DYNC2H1: variants seen among roughly 807,000 people sequenced by gnomAD.
DYNC2H1 encodes the protein cytoplasmic dynein 2 heavy chain 1.
Under a neutral mutation model 570.0 loss-of-function variants are expected in DYNC2H1, and 410 were observed. The ratio of observed to expected loss-of-function variants is 0.72; its 90% CI spans 0.66 to 0.78. The LOEUF is 0.78. Among genes scored for constraint, DYNC2H1 ranks in the 30% least tolerant of loss-of-function variants. The probability of loss-of-function intolerance (pLI) is 0.00; values close to 1 mark genes in which losing one functional copy is unlikely to be tolerated. For synonymous variants in DYNC2H1, 1,688 were observed against 1,677.6 expected, an observed-to-expected ratio of 1.01 and a Z score of -0.15; for missense variants, 4,865 against 5,046.4, an observed-to-expected ratio of 0.96 and a Z score of 1.09.
At position 103,234,222 on chromosome 11, in the gene DYNC2H1, A is replaced by G. The variant is rs1464491590; in HGVS notation, c.9567+62A>G. On this transcript the variant is annotated intron_variant, in intron 61 of 88. Transcript: ENST00000375735. ...TAAACTGCAGGAAATCTATAATGTA[A>G]TGTATGTTAAGAAAAAGGAGAGAAA... is the stretch of plus-strand genomic sequence containing the variant. 13 of 1,496,076 alleles carry G rather than the reference A, an allele frequency of 8.7e-6. No individual in the cohort carries two copies. In the South Asian group the frequency reaches 1.7e-4, roughly 20 times the overall value. 92.7% of individuals were successfully genotyped at this position (1,496,076 alleles called of 1,614,324 possible).
chr11:103,130,727 A>G (rs1194405769), intron 13 of DYNC2H1, among the ~76,000 whole-genome samples: 1 of 152,192 alleles, frequency 6.6e-6, no homozygotes, highest in East Asian at 1.9e-4. Context: ...AGATCATTTT[A>G]GCTGCAAGTC....
intron 85 of DYNC2H1, among the ~76,000 whole-genome samples, chr11:103,437,351 A>G (rs1206010640): frequency 1.3e-5 from 2 of 152,010 alleles, no homozygotes; most frequent in Admixed American, 1.3e-4. Flanking sequence ...GACCTCCTCC[A>G]GGGGGTCTTC....
chr11:103,182,235 GTATATATAATATATAGGTATTTATATACC>G (rs1043509415), intron 40 of DYNC2H1, among the ~76,000 whole-genome samples: 2 of 149,858 alleles, frequency 1.3e-5, no homozygotes, highest in Non-Finnish European at 3.0e-5. Context: ...TATGACATAT[GTATATATAATATATAGGTATTTATATACC>G]TATATATACA....
rs529152317 is a variant in DYNC2H1, at chr11:103,133,651, C to T, written c.2050C>T (p.Arg684Trp). ...CCAAAAACTCCAAAATGCTGCTGAACGGCTTGCCACTGAAAATAGAAAACT... is the reference window on the plus strand; with the variant it reads ...CCAAAAACTCCAAAATGCTGCTGAATGGCTTGCCACTGAAAATAGAAAACT... ...YIQKLQNAAE[R>W]LATENRKLRK... Residue 684 changes from arginine to tryptophan, a missense_variant, in exon 14 of 89, where the codon CGG (arginine) becomes TGG (tryptophan). By Grantham distance (101) the Arg-to-Trp change is moderately radical (BLOSUM62 -3). Transcript: ENST00000375735. This position sits in a 1 kb window ranked among gnomAD's most constrained non-coding sequence, Gnocchi z 4.8. The T allele has an allele frequency of 1.8e-5, 29 of 1,613,070 alleles. No homozygotes were observed. Among genetic ancestry groups the T allele is most frequent in the Middle Eastern group, 1.7e-4 (1 of 6,056 alleles).
chr11:103,289,259 C>A lies in DYNC2H1; in HGVS notation c.11095+1654C>A, dbSNP rs1866491762. 6.6e-6 allele frequency among the ~76,000 whole-genome samples: 1 copy of A among 152,102 alleles called. No homozygotes were observed. The highest frequency in any genetic ancestry group is 1.5e-5 in the Non-Finnish European group (1 of 68,016). On this transcript the variant is annotated intron_variant, in intron 75 of 88. Transcript: ENST00000375735. This position sits in a 1 kb window ranked among gnomAD's most constrained non-coding sequence, Gnocchi z 4.2. ...GGCTGATTTAAGTAATAATAAAACC[C>A]CAGTCTCCTGCACAGCTGGCTCTGT...
Position 103,280,347 on chromosome 11 carries a change from G to A in DYNC2H1, c.10696-1G>A. On this transcript the variant is annotated splice_acceptor_variant, in intron 70 of 88. Coordinates refer to ENST00000375735, the MANE Select transcript of DYNC2H1 (RefSeq NM_001377.3). LOFTEE classifies it high-confidence loss of function. This position sits in a 1 kb window ranked among gnomAD's most constrained non-coding sequence, Gnocchi z 4.7. ...AAGATAATATCTGTTATTCTTTGCA[G>A]GCTGATCAGTTGATGTTCGCTTTGC... 1 of 1,553,980 alleles carries A rather than the reference G, an allele frequency of 6.4e-7. No individual in the cohort carries two copies. The highest frequency in any genetic ancestry group is 8.7e-7 in the Non-Finnish European group (1 of 1,147,616).
intron 44 of DYNC2H1, 79 bp downstream of exon 44, chr11:103,188,727 T>C: frequency 2.7e-6 from 3 of 1,125,084 alleles, no homozygotes; most frequent in Non-Finnish European, 3.5e-6. Context: ...GTATTTATGA[T>C]AATACTTTAA....
chr11:103,170,379 A>T lies in DYNC2H1; in HGVS notation c.5151+89A>T. On this transcript the variant is annotated intron_variant, in intron 33 of 88. Coordinates refer to ENST00000375735, the MANE Select transcript of DYNC2H1 (RefSeq NM_001377.3). This position sits in a 1 kb window ranked among gnomAD's most constrained non-coding sequence, Gnocchi z 4.8. Reference sequence around the variant, plus strand: ...AGTATATGAAATACTCTACTTAAAAATCACTACATTTAAATTAGTTGAAGA... The same window carrying T: ...AGTATATGAAATACTCTACTTAAAATTCACTACATTTAAATTAGTTGAAGA... 1 of 1,237,864 alleles carries T rather than the reference A, an allele frequency of 8.1e-7. No individual in the cohort carries two copies. The highest frequency in any genetic ancestry group is 1.1e-6 in the Non-Finnish European group (1 of 928,152). 76.7% of individuals were successfully genotyped at this position (1,237,864 alleles called of 1,614,324 possible).
intron 84 of DYNC2H1, among the ~76,000 whole-genome samples, chr11:103,415,017 C>G (rs995239841): frequency 2.0e-5 from 3 of 152,092 alleles, no homozygotes; most frequent in Non-Finnish European, 4.4e-5. Flanking sequence ...ACTTTCTTCA[C>G]AGAATTAGAA....
intron 87 of DYNC2H1, 106 bp downstream of exon 87, chr11:103,456,462 A>T: frequency 1.3e-6 from 1 of 782,040 alleles, no homozygotes; most frequent in Non-Finnish European, 2.0e-6. Flanking sequence ...GTGTAAGATC[A>T]GTAGAGTTAG....
At chr11:103,236,276 T>C (rs1187688796) in intron 62 of DYNC2H1, among the ~76,000 whole-genome samples, 154 bp from the exon 63 acceptor site, 2 of 151,948 alleles carry the variant, frequency 1.3e-5, no homozygotes, top group African/African-American at 4.8e-5. Flanking sequence ...GTTTTAGACT[T>C]TTTTCTCCGT....
At chr11:103,191,030 T>TATA (rs1565382007) in intron 45 of DYNC2H1, among the ~76,000 whole-genome samples, 8 of 113,966 alleles carry the variant, frequency 7.0e-5, no homozygotes, top group African/African-American at 1.9e-4. Context: ...ATATATATAT[T>TATA]TTTTTTCTTT....
Position 103,434,621 on chromosome 11 carries a change from G to A in DYNC2H1, c.12367-1322G>A, listed in dbSNP as rs141711150. Among the ~76,000 whole-genome samples, 1,516 of 152,046 alleles carry A rather than the reference G, an allele frequency of 1.0e-2. 26 individuals carry two copies. The highest frequency in any genetic ancestry group is 0.035 in the African/African-American group (1,436 of 41,494). On this transcript the variant is annotated intron_variant, in intron 84 of 88. Coordinates refer to ENST00000375735, the MANE Select transcript of DYNC2H1 (RefSeq NM_001377.3). ...CCTCTGGTGTATCAAAATCATTATC[G>A]GTTGTCTTGCTGCAGAACAAATCTC...
At chr11:103,403,606 A>G (rs1024598864) in intron 84 of DYNC2H1, 2 of 152,108 alleles carry the variant, frequency 1.3e-5, no homozygotes, top group African/African-American at 4.8e-5. Flanking sequence ...TCCGTAGTAA[A>G]GGCCTGGTCA....
chr11:103,311,943 CA>C lies in DYNC2H1; in HGVS notation c.11565del (p.Asp3856IlefsTer76). ...YESWTPEQISKKDNTHRAHAL... is the reference protein window; with the variant it reads ...YESWTPEQISXKDNTHRAHAL... ...AGTCTTGGACTCCTGAGCAAATTAG[CA>C]AAAAAGATAATACACATCGAGCTCA... is the stretch of plus-strand genomic sequence containing the variant. On this transcript the variant is annotated frameshift_variant, in exon 79 of 89. Transcript: ENST00000375735. LOFTEE classifies it high-confidence loss of function. The C allele has an allele frequency of 6.2e-7, 1 of 1,613,358 alleles. No individual in the cohort carries two copies. Among genetic ancestry groups the C allele is most frequent in the Non-Finnish European group, 8.5e-7 (1 of 1,179,674 alleles).
In DYNC2H1 at chr11:103,161,003, G is replaced by T. The variant is rs1039124081; in HGVS notation, c.4450G>T (p.Val1484Leu). ...AATGAAATCTTTAGAGGGAGAAGTT[G>T]TACCTTTTAAAAATAAAGTTCCTCT... ...TAMKSLEGEVVPFKNKVPLSN... is the reference protein window; with the variant it reads ...TAMKSLEGEVLPFKNKVPLSN... The change falls in exon 29 of 89, where the codon GTA (valine) becomes TTA (leucine). Residue 1484 changes from valine (V) to leucine (L), a missense_variant. Around this residue, in one of 5 missense-constraint regions of DYNC2H1, gnomAD observed 1,936 missense variants for 1,962.1 expected, o/e 0.99. Coordinates refer to ENST00000375735, the MANE Select transcript of DYNC2H1 (RefSeq NM_001377.3). The T allele has an allele frequency of 4.5e-6, 7 of 1,551,338 alleles. No homozygotes were observed. Among genetic ancestry groups the T allele is most frequent in the Non-Finnish European group, 5.2e-6 (6 of 1,153,556 alleles).
chr11:103,126,116 T>A (rs952168403), intron 12 of DYNC2H1, among the ~76,000 whole-genome samples: 1 of 152,234 alleles, frequency 6.6e-6, no homozygotes, highest in African/African-American at 2.4e-5. Context: ...GTATATTTGG[T>A]CTTTCATTTA....
intron 82 of DYNC2H1, among the ~76,000 whole-genome samples, chr11:103,329,193 T>C (rs1186572553): frequency 6.6e-6 from 1 of 151,898 alleles, no homozygotes; most frequent in Non-Finnish European, 1.5e-5. Context: ...TATCTATGAT[T>C]AACACATACT....
At chr11:103,282,567 A>G in intron 72 of DYNC2H1, among the ~76,000 whole-genome samples, 1 of 144,992 alleles carries the variant, frequency 6.9e-6, no homozygotes, top group East Asian at 1.9e-4. Flanking sequence ...GAGTTTTAAA[A>G]TTACATTTTA....
Sources: gnomAD v4.1 joint callset for allele counts (sites outside exome capture counted in the v4.1 genomes callset) on GRCh38, gnomAD v4.1.1 for gene constraint, gnomAD v4.1.1 regional missense constraint, Gnocchi (gnomAD v3.1) non-coding constraint, MANE v1.5 for transcripts, NCBI Gene and HGNC (gene_info 2026-07-23, HGNC 2026-07-21) for gene names.